NECAB1: variants seen among roughly 807,000 people sequenced by gnomAD.
NECAB1 encodes the protein N-terminal EF-hand calcium-binding protein 1.
NECAB1 carries 29 observed loss-of-function variants against 57.5 expected under a neutral mutation model. The observed-to-expected ratio is 0.50, with a 90% CI of 0.38 to 0.69. The LOEUF (loss-of-function observed/expected upper bound fraction) is 0.69, where lower values mean the gene tolerates loss of function less well. NECAB1 is among the 30% of genes least tolerant of loss of function. NECAB1 has a pLI of 0.00. For missense variants in NECAB1, 372 were observed against 413.8 expected (o/e 0.90, Z 0.88); for synonymous variants, 142 against 147.7 (o/e 0.96, Z 0.28).
At position 90,958,762 on chromosome 8, in the gene NECAB1, T is replaced by G. The variant is rs998168213; in HGVS notation, c.*3250T>G. On this transcript the variant is annotated 3_prime_UTR_variant, in exon 13 of 13. Transcript: ENST00000417640. The stretch of plus-strand genomic sequence containing the variant: ...AATTATAAATATACAGTCTTCCCAC[T>G]TCACTAACCAAATTCCTACTTTCCA... The G allele has an allele frequency of 2.4e-6, 1 of 408,240 alleles. No homozygotes were observed. The highest frequency in any genetic ancestry group is 2.1e-5 in the African/African-American group (1 of 47,214). 25.3% of individuals were successfully genotyped at this position (408,240 alleles called of 1,614,324 possible).
At chr8:90,808,784 TA>T (rs1359522797) in intron 2 of NECAB1, among the ~76,000 whole-genome samples, 1 of 151,630 alleles carries the variant, frequency 6.6e-6, no homozygotes, top group Non-Finnish European at 1.5e-5. Context: ...TAGCTGGGAC[TA>T]CAGGTGCGTG....
At position 90,933,335 on chromosome 8, in the gene NECAB1, G is replaced by A. The variant is rs568235489; in HGVS notation, c.694-969G>A. Among the ~76,000 whole-genome samples, 29 of 152,174 alleles carry A rather than the reference G, an allele frequency of 1.9e-4. 1 individual carries two copies. The highest frequency in any genetic ancestry group is 4.8e-4 in the African/African-American group (20 of 41,538). ...AAATGTGGAACCAACCCAAATGCCC[G>A]CCAATCAATGAGTGGATAAAGAAAT... On this transcript the variant is annotated intron_variant, in intron 8 of 12. Coordinates refer to ENST00000417640, the MANE Select transcript of NECAB1 (RefSeq NM_022351.5).
intron 3 of NECAB1, among the ~76,000 whole-genome samples, chr8:90,853,252 A>G (rs1001447494): frequency 6.6e-6 from 1 of 152,176 alleles, no homozygotes; most frequent in Non-Finnish European, 1.5e-5. Context: ...TGGTTCCAGC[A>G]CTCGTGGACT....
chr8:90,847,845 G>A (rs1021332627), intron 3 of NECAB1, among the ~76,000 whole-genome samples: 1 of 152,194 alleles, frequency 6.6e-6, no homozygotes, highest in African/African-American at 2.4e-5. Flanking sequence ...ACACAGCAGG[G>A]GCCTCTGGGT....
chr8:90,874,263 G>A (rs544593838), intron 4 of NECAB1, among the ~76,000 whole-genome samples: 4 of 152,144 alleles, frequency 2.6e-5, no homozygotes, highest in Non-Finnish European at 5.9e-5. Context: ...GATTTCATAT[G>A]TTCTTTCCTA....
intron 5 of NECAB1, among the ~76,000 whole-genome samples, chr8:90,914,105 T>G (rs1447411913): frequency 1.3e-5 from 2 of 152,168 alleles, no homozygotes; most frequent in African/African-American, 4.8e-5. Flanking sequence ...TCTCACACAT[T>G]TCTTAAGCAT....
intron 3 of NECAB1, among the ~76,000 whole-genome samples, chr8:90,868,741 T>G (rs1342447126): frequency 6.6e-6 from 1 of 152,300 alleles, no homozygotes; most frequent in Non-Finnish European, 1.5e-5. Flanking sequence ...AAGCAGAGCA[T>G]AAAAGTTTAG....
intron 8 of NECAB1, among the ~76,000 whole-genome samples, chr8:90,931,859 G>A (rs545868028): frequency 1.1e-4 from 17 of 151,936 alleles, no homozygotes; most frequent in African/African-American, 3.6e-4. Context: ...AGCCGAGATC[G>A]TGCCACTTCA....
intron 3 of NECAB1, chr8:90,858,980 CA>C (rs11317247): frequency 0.46 from 70,158 of 151,896 alleles, 19,656 homozygotes; most frequent in East Asian, 0.77. Flanking sequence ...TTCCAACCTG[CA>C]AAAAAATGGA....
chr8:90,793,358 T>C (rs1586025567), intron 1 of NECAB1, among the ~76,000 whole-genome samples: 1 of 152,162 alleles, frequency 6.6e-6, no homozygotes, highest in Non-Finnish European at 1.5e-5. Context: ...CTCCAATTGG[T>C]GATCCAGGCA....
At chr8:90,808,659 T>C (rs1811898666) in intron 2 of NECAB1, among the ~76,000 whole-genome samples, 1 of 144,872 alleles carries the variant, frequency 6.9e-6, no homozygotes, top group Admixed American at 6.9e-5. Context: ...TTTTTTTTTT[T>C]TTTTGAGATG....
intron 6 of NECAB1, among the ~76,000 whole-genome samples, chr8:90,921,719 T>G (rs575991109): frequency 1.3e-5 from 2 of 152,038 alleles, no homozygotes; most frequent in Admixed American, 1.3e-4. Context: ...CAGGTATCAT[T>G]AAAATCTCTA....
intron 3 of NECAB1, among the ~76,000 whole-genome samples, chr8:90,841,443 C>G (rs947289368): frequency 2.1e-4 from 32 of 152,078 alleles, no homozygotes; most frequent in African/African-American, 7.7e-4. Context: ...CTTCAAGATG[C>G]AATAGTACCT....
chr8:90,902,752 G>C (rs573213354), intron 5 of NECAB1, among the ~76,000 whole-genome samples: 19 of 152,158 alleles, frequency 1.2e-4, no homozygotes, highest in Admixed American at 3.9e-4. Context: ...CTTTAAATTA[G>C]TACTACCTGT....
At chr8:90,820,750 A>G (rs1812130836) in intron 2 of NECAB1, among the ~76,000 whole-genome samples, 1 of 151,500 alleles carries the variant, frequency 6.6e-6, no homozygotes, top group African/African-American at 2.4e-5. Flanking sequence ...AAAGTCTGTC[A>G]TTAAACATAC....
At chr8:90,916,231 A>AT (rs1388559742) in intron 5 of NECAB1, among the ~76,000 whole-genome samples, 2 of 152,190 alleles carry the variant, frequency 1.3e-5, no homozygotes, top group Non-Finnish European at 2.9e-5. Flanking sequence ...AAGAAATGAG[A>AT]TTTTCTATGC....
intron 5 of NECAB1, among the ~76,000 whole-genome samples, chr8:90,910,557 T>C (rs947976808): frequency 1.3e-5 from 2 of 152,110 alleles, no homozygotes; most frequent in Non-Finnish European, 2.9e-5. Context: ...TTTATCTGAA[T>C]CTCCCTTTTT....
At chr8:90,902,620 TTAAA>T (rs1586106099) in intron 5 of NECAB1, among the ~76,000 whole-genome samples, 1 of 152,150 alleles carries the variant, frequency 6.6e-6, no homozygotes, top group Admixed American at 6.6e-5. Flanking sequence ...TTATCAATAG[TTAAA>T]TAAATATAAA....
At chr8:90,941,760 G>A (rs1810675158) in intron 10 of NECAB1, among the ~76,000 whole-genome samples, 1 of 152,148 alleles carries the variant, frequency 6.6e-6, no homozygotes, top group Non-Finnish European at 1.5e-5. Context: ...TCCCCACTGT[G>A]CCTCAGACCT....
Sources: gnomAD v4.1 joint callset for allele counts (sites outside exome capture counted in the v4.1 genomes callset) on GRCh38, gnomAD v4.1.1 for gene constraint, MANE v1.5 for transcripts, NCBI Gene and HGNC (gene_info 2026-07-23, HGNC 2026-07-21) for gene names.